The following ARAP1 variants were observed in gnomAD, a reference collection of about 807,000 sequenced individuals.
The protein encoded by ARAP1 is arf-GAP with Rho-GAP domain, ANK repeat and PH domain-containing protein 1.
In ARAP1, 76 loss-of-function variants were observed where a neutral mutation model predicts 172.2. The ratio of observed to expected loss-of-function variants is 0.44; its 90% CI spans 0.37 to 0.53. The LOEUF (loss-of-function observed/expected upper bound fraction) is 0.53. Among genes scored for constraint, ARAP1 ranks in the 20% least tolerant of loss-of-function variants. The pLI is 0.00. For synonymous variants in ARAP1, 804 were observed against 803.3 expected (o/e 1.00, Z -0.01); for missense variants, 1,686 against 1,977.5 (o/e 0.85, Z 2.80).
At chr11:72,733,259 C>G (rs769944154) in intron 1 of ARAP1, among the ~76,000 whole-genome samples, 1 of 152,102 alleles carries the variant, frequency 6.6e-6, no homozygotes, top group Non-Finnish European at 1.5e-5. Context: ...GTGGAAGGGA[C>G]AGCCCCAGGA....
chr11:72,741,064 C>T lies in ARAP1; in HGVS notation c.-127-8467G>A, dbSNP rs1858180713. Among the ~76,000 whole-genome samples the T allele has an allele frequency of 6.6e-6, 1 of 152,108 alleles. No individual in the cohort carries two copies. Among genetic ancestry groups the T allele is most frequent in the Non-Finnish European group, 1.5e-5 (1 of 68,014 alleles). On this transcript the variant is annotated intron_variant, in intron 1 of 34. Transcript: ENST00000393609. This position sits in a 1 kb window ranked among gnomAD's most constrained non-coding sequence, Gnocchi z 4.5. Reference sequence around the variant, plus strand: ...CAAAAAGCCTATCACATACTATGCCCCTCTGGCCCCACCACATACCCCCGA... The same window carrying T: ...CAAAAAGCCTATCACATACTATGCCTCTCTGGCCCCACCACATACCCCCGA...
At chr11:72,694,035 A>G (rs992488848) in intron 27 of ARAP1, among the ~76,000 whole-genome samples, 28 of 151,828 alleles carry the variant, frequency 1.8e-4, no homozygotes, top group African/African-American at 6.5e-4. Flanking sequence ...AACCATGCCC[A>G]TGATCTCCAC....
At chr11:72,703,223 G>A in intron 14 of ARAP1, 144 bp from the exon 15 acceptor site, 1 of 846,650 alleles carries the variant, frequency 1.2e-6, no homozygotes, top group Non-Finnish European at 1.7e-6. Flanking sequence ...AGAATAGGAA[G>A]GAAGAAAGAG....
chr11:72,736,070 C>A (rs528345763), intron 1 of ARAP1, among the ~76,000 whole-genome samples: 2 of 152,202 alleles, frequency 1.3e-5, no homozygotes, highest in Non-Finnish European at 2.9e-5. Flanking sequence ...GAGGCAAAGA[C>A]AGAATCATCA....
intron 31 of ARAP1, 21 bp from the exon 32 acceptor site, chr11:72,687,759 G>C (rs764798099): frequency 6.2e-7 from 1 of 1,614,040 alleles, no homozygotes; most frequent in Non-Finnish European, 8.5e-7. Context: ...AGAAGGGAGA[G>C]AGTTGGGTGT....
chr11:72,691,711 G>C (rs1285872413), intron 30 of ARAP1, among the ~76,000 whole-genome samples: 1 of 152,206 alleles, frequency 6.6e-6, no homozygotes, highest in East Asian at 1.9e-4. Flanking sequence ...ACTGGGGATG[G>C]GGTGGTGGGT....
At chr11:72,749,972 G>C (rs1858487261) in intron 1 of ARAP1, among the ~76,000 whole-genome samples, 1 of 152,064 alleles carries the variant, frequency 6.6e-6, no homozygotes, top group Non-Finnish European at 1.5e-5. Flanking sequence ...GTCTCTGTGT[G>C]ATCCTACCCT....
chr11:72,719,211 C>T (rs1857408447), intron 3 of ARAP1, among the ~76,000 whole-genome samples: 1 of 152,238 alleles, frequency 6.6e-6, no homozygotes, highest in Non-Finnish European at 1.5e-5. Flanking sequence ...GGTCTCAGGA[C>T]TCATCTGAGA....
In ARAP1 at chr11:72,713,260, T is replaced by G. The variant is rs1565222314; in HGVS notation, c.680-17A>C. On this transcript the variant is annotated splice_polypyrimidine_tract_variant and intron_variant, in intron 4 of 34. Coordinates refer to ENST00000393609, the MANE Select transcript of ARAP1 (RefSeq NM_001040118.3). Reference sequence around the variant, plus strand: ...CAGAGTCATCTGGTGAGAGAGGGGTTGGGGGGCCTCAGGGCAAGGGGCCTG... The same window carrying G: ...CAGAGTCATCTGGTGAGAGAGGGGTGGGGGGGCCTCAGGGCAAGGGGCCTG... 3 of 1,613,414 alleles carry G rather than the reference T, an allele frequency of 1.9e-6. No individual in the cohort carries two copies. The highest frequency in any genetic ancestry group is 2.7e-5 in the African/African-American group (2 of 74,878).
chr11:72,718,698 C>T (rs1857388841), intron 3 of ARAP1, among the ~76,000 whole-genome samples: 2 of 152,124 alleles, frequency 1.3e-5, no homozygotes, highest in Admixed American at 1.3e-4. Context: ...GGTTGGTTCA[C>T]CCCAGCCTGG....
At chr11:72,744,737 C>T (rs867090232) in intron 1 of ARAP1, among the ~76,000 whole-genome samples, 5 of 152,278 alleles carry the variant, frequency 3.3e-5, no homozygotes, top group Middle Eastern at 3.4e-3. Context: ...CTCCCTCCCC[C>T]GTCCCCCACA....
At chr11:72,713,142 C>T (rs748328888) in intron 5 of ARAP1, 34 bp downstream of exon 5, 1 of 1,610,920 alleles carries the variant, frequency 6.2e-7, no homozygotes, top group Non-Finnish European at 8.5e-7. Context: ...CCCACAACAC[C>T]CTGACAGGCA....
At chr11:72,727,751 C>T (rs1475212031) in intron 2 of ARAP1, among the ~76,000 whole-genome samples, 1 of 152,238 alleles carries the variant, frequency 6.6e-6, no homozygotes. Context: ...CATCACATGG[C>T]CTCTGGGGGC....
chr11:72,727,662 T>A (rs995413717), intron 2 of ARAP1, among the ~76,000 whole-genome samples: 6 of 152,156 alleles, frequency 3.9e-5, no homozygotes, highest in African/African-American at 1.4e-4. Context: ...GCAAGCCCAG[T>A]CTGGGAGCCG....
intron 5 of ARAP1, 157 bp downstream of exon 5, chr11:72,713,019 C>T: frequency 3.8e-6 from 3 of 782,162 alleles, no homozygotes; most frequent in Non-Finnish European, 6.3e-6. Flanking sequence ...CTACACGTGA[C>T]TCCTGACCCC....
intron 11 of ARAP1, 105 bp downstream of exon 11, chr11:72,709,765 G>A: frequency 3.3e-6 from 4 of 1,213,658 alleles, no homozygotes; most frequent in Non-Finnish European, 3.7e-6. Flanking sequence ...GCGGGGCAGG[G>A]TGAGGGAACC....
At position 72,685,655 on chromosome 11, in the gene ARAP1, C is replaced by T. The variant is rs761535213; in HGVS notation, c.*9G>A. The T allele has an allele frequency of 2.4e-5, 38 of 1,614,000 alleles. No homozygotes were observed. The South Asian group carries it at 3.6e-4, about 15-fold the overall frequency. On this transcript the variant is annotated 3_prime_UTR_variant, in exon 35 of 35. Coordinates refer to ENST00000393609, the MANE Select transcript of ARAP1 (RefSeq NM_001040118.3). ...GCGGAATCCTAGAGCCAAGGATGGG[C>T]TCCTGTGCTCAGACGTTGCGCAGAA...
chr11:72,688,743 T>G (rs1855797706), intron 30 of ARAP1: 2 of 556,916 alleles, frequency 3.6e-6, no homozygotes, highest in South Asian at 4.2e-5. Flanking sequence ...CCCCAAGGCC[T>G]GTCTCCCTGC....
In ARAP1 at chr11:72,725,756, T is replaced by C. The variant is rs1054644650; in HGVS notation, c.509+864A>G. The stretch of plus-strand genomic sequence containing the variant: ...TCTGCTGCAGGGATCATGGAGACCA[T>C]AGAAACACAGAGCCCAGCAGAGTGC... On this transcript the variant is annotated intron_variant, in intron 3 of 34. Transcript: ENST00000393609. This position sits in a 1 kb window ranked among gnomAD's most constrained non-coding sequence, Gnocchi z 4.3. 2.2e-4 allele frequency among the ~76,000 whole-genome samples: 33 copies of C among 151,954 alleles called. No homozygotes were observed. Among genetic ancestry groups the C allele is most frequent in the African/African-American group, 7.0e-4 (29 of 41,364 alleles).
Sources: allele counts gnomAD v4.1 joint callset (sites outside exome capture counted in the v4.1 genomes callset), GRCh38; gene constraint gnomAD v4.1.1; non-coding constraint Gnocchi (gnomAD v3.1); transcripts MANE v1.5; gene names NCBI Gene and HGNC (gene_info 2026-07-23, HGNC 2026-07-21).